Variants in NEFL observed in about 807,000 individuals in gnomAD.
NEFL encodes the protein neurofilament light polypeptide.
NEFL carries 36 observed loss-of-function variants against 51.6 expected under a neutral mutation model. That is an observed-to-expected ratio of 0.70 (90% confidence interval 0.53 to 0.92). The LOEUF (loss-of-function observed/expected upper bound fraction) is 0.92, where lower values mean the gene tolerates loss of function less well. Among genes scored for constraint, NEFL ranks in the 40% least tolerant of loss-of-function variants. The probability of loss-of-function intolerance (pLI) is 0.00; values close to 1 mark genes in which losing one functional copy is unlikely to be tolerated. For missense variants in NEFL, 671 were observed against 722.0 expected (o/e 0.93, Z 0.81); for synonymous variants, 332 against 302.5 (o/e 1.10, Z -1.01).
Position 24,951,352 on chromosome 8 carries a change from T to G in NEFL, c.*1458A>C, listed in dbSNP as rs1032044624. Reference sequence around the variant, plus strand: ...AGGTTAAATTAATAACTTATAGAGATCGTCTAAAAAACAAATATTGAATGA... The same window carrying G: ...AGGTTAAATTAATAACTTATAGAGAGCGTCTAAAAAACAAATATTGAATGA... On this transcript the variant is annotated 3_prime_UTR_variant, in exon 4 of 4. Transcript: ENST00000610854. The G allele has an allele frequency of 2.0e-5, 3 of 152,322 alleles. No homozygotes were observed. The highest frequency in any genetic ancestry group is 7.2e-5 in the African/African-American group (3 of 41,584). The allele number at this position is 152,322 out of a possible 1,614,324, so 9.4% of individuals were successfully genotyped here. A position where few individuals can be genotyped will look rare whatever the true frequency, so the allele number is the denominator to read the frequency against.
In NEFL at chr8:24,956,463, T is replaced by G. The variant is rs746907088; in HGVS notation, c.53A>C (p.Tyr18Ser). Residue 18 changes from tyrosine to serine, a missense_variant, in exon 1 of 4, where the codon TAC becomes TCC. Coordinates refer to ENST00000610854, the MANE Select transcript of NEFL (RefSeq NM_006158.5). This position sits in a 1 kb window ranked among gnomAD's most constrained non-coding sequence, Gnocchi z 5.9. Reference protein sequence around the residue: ...PYYSTSYKRRYVETPRVHISS... With the variant: ...PYYSTSYKRRSVETPRVHISS... ...GATGTGCACCCGGGGCGTCTCCACGTAGCGCCGCTTGTAGGAGGTCGAGTA... is the reference window on the plus strand; with the variant it reads ...GATGTGCACCCGGGGCGTCTCCACGGAGCGCCGCTTGTAGGAGGTCGAGTA... The G allele has an allele frequency of 1.2e-6, 2 of 1,604,474 alleles. No individual in the cohort carries two copies.
In NEFL at chr8:24,955,491, G is replaced by A; in HGVS notation, c.1025C>T (p.Ala342Val). The A allele has an allele frequency of 6.2e-7, 1 of 1,609,670 alleles. No homozygotes were observed. Among genetic ancestry groups the A allele is most frequent in the African/African-American group, 1.3e-5 (1 of 74,738 alleles). ...QLQELEDKQN[A>V]DISAMQDTIN... ...CCGCACCTGCATAGCGCTGATGTCGGCGTTCTGCTTGTCCTCCAGCTCCTG... is the reference window on the plus strand; with the variant it reads ...CCGCACCTGCATAGCGCTGATGTCGACGTTCTGCTTGTCCTCCAGCTCCTG... The change falls in exon 1 of 4, where the codon GCC (alanine) becomes GTC (valine). Residue 342 changes from alanine (A) to valine (V), a missense_variant. Transcript: ENST00000610854. The surrounding 1 kb of genome is among the most constrained non-coding windows in gnomAD (Gnocchi z 4.0).
In NEFL at chr8:24,955,961, G is replaced by C. The variant is rs1203826747; in HGVS notation, c.555C>G (p.Arg185=). 1.2e-6 allele frequency: 2 copies of C among 1,602,600 alleles called. No homozygotes were observed. Among genetic ancestry groups the C allele is most frequent in the East Asian group, 2.2e-5 (1 of 44,820 alleles). Residue 185 remains arginine (R), a synonymous_variant, in exon 1 of 4, where the codon CGC becomes CGG. Coordinates refer to ENST00000610854, the MANE Select transcript of NEFL (RefSeq NM_006158.5). This position sits in a 1 kb window ranked among gnomAD's most constrained non-coding sequence, Gnocchi z 4.0. ...QARYEEEVLS[R]EDAEGRLMEA... is the part of the protein sequence containing the mutation. ...CCATCAGCCGGCCCTCGGCGTCCTC[G>C]CGGCTCAGCACCTCCTCTTCATAGC...
At chr8:24,953,074 C>T in intron 3 of NEFL, 122 bp from the exon 4 acceptor site, 2 of 1,215,384 alleles carry the variant, frequency 1.6e-6, no homozygotes, top group Non-Finnish European at 2.2e-6. Context: ...CCCAGCTCCA[C>T]TCTCTCCAAA....
intron 1 of NEFL, among the ~76,000 whole-genome samples, 169 bp from the exon 2 acceptor site, chr8:24,954,474 C>T (rs1803014329): frequency 6.6e-6 from 1 of 152,000 alleles, no homozygotes; most frequent in Non-Finnish European, 1.5e-5. Flanking sequence ...ACCTTCATGC[C>T]TAAAATACCC....
rs1803016999 is a variant in NEFL, at chr8:24,954,688, A to T, written c.1045-383T>A. On this transcript the variant is annotated intron_variant, in intron 1 of 3. Coordinates refer to ENST00000610854, the MANE Select transcript of NEFL (RefSeq NM_006158.5). ...TAATGCCTTTCTTTATGAGAAGAAA[A>T]TAGCCAGATGTAAACAAAAAAAAGA... Among the ~76,000 whole-genome samples the T allele has an allele frequency of 2.0e-5, 3 of 152,312 alleles. No individual in the cohort carries two copies. In the South Asian group the frequency reaches 6.2e-4, roughly 32 times the overall value.
Position 24,953,727 on chromosome 8 carries a change from G to C in NEFL, c.1238C>G (p.Ser413Cys). The change falls in exon 3 of 4, where the codon TCC (serine) becomes TGC (cysteine). Residue 413 changes from serine (S) to cysteine (C), a missense_variant. Coordinates refer to ENST00000610854, the MANE Select transcript of NEFL (RefSeq NM_006158.5). ...TSVGSITSGY[S>C]QSSQVFGRSA... The stretch of plus-strand genomic sequence containing the variant: ...TCGGCCAAAGACCTGGGAGCTCTGG[G>C]AGTAGCCACTGGTTATGCTTCCCAC... The C allele has an allele frequency of 1.2e-6, 2 of 1,613,996 alleles. No individual in the cohort carries two copies. The highest frequency in any genetic ancestry group is 8.5e-7 in the Non-Finnish European group (1 of 1,179,888).
At position 24,955,328 on chromosome 8, in the gene NEFL, C is replaced by T. The variant is rs904283193; in HGVS notation, c.1044+144G>A. On this transcript the variant is annotated intron_variant, in intron 1 of 3. Transcript: ENST00000610854. This position sits in a 1 kb window ranked among gnomAD's most constrained non-coding sequence, Gnocchi z 4.0. Reference sequence around the variant, plus strand: ...ACTCACGCCCTTCAAGTGCCCCACCCCTCCCACACAGTGGCCAAGGAGCCA... The same window carrying T: ...ACTCACGCCCTTCAAGTGCCCCACCTCTCCCACACAGTGGCCAAGGAGCCA... The T allele has an allele frequency of 2.5e-6, 2 of 788,878 alleles. No homozygotes were observed. Among genetic ancestry groups the T allele is most frequent in the African/African-American group, 3.5e-5 (2 of 57,426 alleles). The allele number at this position is 788,878 out of a possible 1,614,324, so 48.9% of individuals were successfully genotyped here. A position where few individuals can be genotyped will look rare whatever the true frequency, so the allele number is the denominator to read the frequency against.
chr8:24,955,280 T>G lies in NEFL; in HGVS notation c.1044+192A>C. 1 of 608,064 alleles carries G rather than the reference T, an allele frequency of 1.6e-6. No homozygotes were observed. Among genetic ancestry groups the G allele is most frequent in the Non-Finnish European group, 2.8e-6 (1 of 351,398 alleles). The allele number at this position is 608,064 out of a possible 1,614,324, so 37.7% of individuals were successfully genotyped here. A position where few individuals can be genotyped will look rare whatever the true frequency, so the allele number is the denominator to read the frequency against. ...GCCGGTGCAGCAGCACGGAGCACAC[T>G]CCCAGACTACAGTGGCGCCCGCACT... On this transcript the variant is annotated intron_variant, in intron 1 of 3. Coordinates refer to ENST00000610854, the MANE Select transcript of NEFL (RefSeq NM_006158.5). The surrounding 1 kb of genome is among the most constrained non-coding windows in gnomAD (Gnocchi z 4.0).
rs373274253 is a variant in NEFL, at chr8:24,953,574, T to A, written c.1391A>T (p.Glu464Val). The change falls in exon 3 of 4, where the codon GAG becomes GTG. Residue 464 changes from glutamate (E) to valine (V), a missense_variant. Glu to Val is a moderately radical substitution (Grantham distance 121). Coordinates refer to ENST00000610854, the MANE Select transcript of NEFL (RefSeq NM_006158.5). Reference protein sequence around the residue: ...VEETIEAAKAEEAKDEPPSEG... With the variant: ...VEETIEAAKAVEAKDEPPSEG... Reference sequence around the variant, plus strand: ...AGAGGGGGGCTCATCCTTGGCTTCCTCAGCCTTGGCAGCCTCAATGGTTTC... The same window carrying A: ...AGAGGGGGGCTCATCCTTGGCTTCCACAGCCTTGGCAGCCTCAATGGTTTC... 1.1e-5 allele frequency: 18 copies of A among 1,614,042 alleles called. No homozygotes were observed. In the African/African-American group the frequency reaches 1.9e-4, roughly 17 times the overall value.
intron 2 of NEFL, 72 bp downstream of exon 2, chr8:24,954,109 A>G: frequency 5.0e-6 from 8 of 1,595,426 alleles, no homozygotes; most frequent in Non-Finnish European, 6.8e-6. Flanking sequence ...TTCTGATCCA[A>G]CATAACTTTA....
intron 2 of NEFL, 141 bp downstream of exon 2, chr8:24,954,040 T>C: frequency 7.5e-7 from 1 of 1,338,730 alleles, no homozygotes; most frequent in Non-Finnish European, 1.0e-6. Context: ...AAATACCCTC[T>C]TCTTGGAAGA....
chr8:24,953,068 G>T, intron 3 of NEFL, 116 bp from the exon 4 acceptor site: 1 of 1,244,536 alleles, frequency 8.0e-7, no homozygotes, highest in Non-Finnish European at 1.1e-6. Context: ...AAACCTCCCA[G>T]CTCCACTCTC....
chr8:24,953,668 G>C lies in NEFL; in HGVS notation c.1297C>G (p.Leu433Val). 1.2e-6 allele frequency: 2 copies of C among 1,614,026 alleles called. No individual in the cohort carries two copies. Among genetic ancestry groups the C allele is most frequent in the Non-Finnish European group, 1.7e-6 (2 of 1,179,890 alleles). The change falls in exon 3 of 4, where the codon CTG (leucine) becomes GTG (valine). Residue 433 changes from leucine (L) to valine (V), a missense_variant. By Grantham distance (32) the Leu-to-Val change is conservative. Coordinates refer to ENST00000610854, the MANE Select transcript of NEFL (RefSeq NM_006158.5). Reference protein sequence around the residue: ...AYGGLQTSSYLMSTRSFPSYY... With the variant: ...AYGGLQTSSYVMSTRSFPSYY... The stretch of plus-strand genomic sequence containing the variant: ...GACGGGAAGGAGCGGGTGGACATCA[G>C]ATAGGAGCTGGTCTGTAAACCGCCG...
rs1802977394 is a variant in NEFL, at chr8:24,952,118, A to AAAGT, written c.*688_*691dup. On this transcript the variant is annotated 3_prime_UTR_variant, in exon 4 of 4. Transcript: ENST00000610854. ...CCTAACACAACACGTGTTATGAGGC[A>AAAGT]AAGTCTATTGTTATTTATAGACTTT... 6.6e-6 allele frequency: 1 copy of AAAGT among 152,626 alleles called. No homozygotes were observed. Among genetic ancestry groups the AAAGT allele is most frequent in the African/African-American group, 2.4e-5 (1 of 41,444 alleles). 9.5% of individuals were successfully genotyped at this position (152,626 alleles called of 1,614,324 possible). A position where few individuals can be genotyped will look rare whatever the true frequency, so the allele number is the denominator to read the frequency against.
chr8:24,955,576 C>T lies in NEFL; in HGVS notation c.940G>A (p.Ala314Thr), dbSNP rs754413908. 6.2e-7 allele frequency: 1 copy of T among 1,613,742 alleles called. No individual in the cohort carries two copies. The highest frequency in any genetic ancestry group is 8.5e-7 in the Non-Finnish European group (1 of 1,179,878). Residue 314 changes from alanine (A) to threonine (T), a missense_variant, in exon 1 of 4, where the codon GCC (alanine) becomes ACC (threonine). Coordinates refer to ENST00000610854, the MANE Select transcript of NEFL (RefSeq NM_006158.5). The surrounding 1 kb of genome is among the most constrained non-coding windows in gnomAD (Gnocchi z 4.0). ...CATGCTTCGATTTCCAGGGTCTTGGCCTTGAGCAGACGACGGCTCTCGGAC... is the reference window on the plus strand; with the variant it reads ...CATGCTTCGATTTCCAGGGTCTTGGTCTTGAGCAGACGACGGCTCTCGGAC... ...EVSESRRLLKAKTLEIEACRG... is the reference protein window; with the variant it reads ...EVSESRRLLKTKTLEIEACRG...
Position 24,956,590 on chromosome 8 carries a change from G to A in NEFL, c.-75C>T. ...AGAGAGGACAGGGGAGAGAGGGAAG[G>A]GGGAGGATGGATGGCTGTGTGCGGC... On this transcript the variant is annotated 5_prime_UTR_variant, in exon 1 of 4. Transcript: ENST00000610854. This position sits in a 1 kb window ranked among gnomAD's most constrained non-coding sequence, Gnocchi z 5.9. The A allele has an allele frequency of 1.4e-6, 2 of 1,388,524 alleles. No individual in the cohort carries two copies. The highest frequency in any genetic ancestry group is 2.0e-6 in the Non-Finnish European group (2 of 1,000,758). The allele number at this position is 1,388,524 out of a possible 1,614,324, so 86.0% of individuals were successfully genotyped here. A position where few individuals can be genotyped will look rare whatever the true frequency, so the allele number is the denominator to read the frequency against.
chr8:24,954,106 C>A lies in NEFL; in HGVS notation c.1169+75G>T, dbSNP rs1803008367. 3.1e-6 allele frequency: 5 copies of A among 1,588,588 alleles called. No individual in the cohort carries two copies. The South Asian group carries it at 4.6e-5, about 15-fold the overall frequency. On this transcript the variant is annotated intron_variant, in intron 2 of 3. Coordinates refer to ENST00000610854, the MANE Select transcript of NEFL (RefSeq NM_006158.5). ...AGGACTATTATTGAAGGTTTCTGAT[C>A]CAACATAACTTTAAATGGGATCTGA... is the stretch of plus-strand genomic sequence containing the variant.
chr8:24,951,861 T>C lies in NEFL; in HGVS notation c.*949A>G, dbSNP rs1326137405. 1 of 152,604 alleles carries C rather than the reference T, an allele frequency of 6.6e-6. No individual in the cohort carries two copies. Among genetic ancestry groups the C allele is most frequent in the East Asian group, 1.9e-4 (1 of 5,204 alleles). The allele number at this position is 152,604 out of a possible 1,614,324, so 9.5% of individuals were successfully genotyped here. A position where few individuals can be genotyped will look rare whatever the true frequency, so the allele number is the denominator to read the frequency against. ...CTTATTGTACCATGTTCTCAGGTTT[T>C]AACCTCCTCCCATGATATTTAGACT... On this transcript the variant is annotated 3_prime_UTR_variant, in exon 4 of 4. Transcript: ENST00000610854.
Sources: gnomAD v4.1 joint callset for allele counts (sites outside exome capture counted in the v4.1 genomes callset) on GRCh38, gnomAD v4.1.1 for gene constraint, Gnocchi (gnomAD v3.1) non-coding constraint, MANE v1.5 for transcripts, NCBI Gene and HGNC (gene_info 2026-07-23, HGNC 2026-07-21) for gene names.